The following CCAR1 variants were observed in gnomAD, a reference collection of about 807,000 sequenced individuals.
CCAR1 encodes cell division cycle and apoptosis regulator 1.
A neutral mutation model predicts 163.8 loss-of-function variants in CCAR1; 78 were observed. The ratio of observed to expected loss-of-function variants is 0.48; its 90% CI spans 0.40 to 0.57. The LOEUF (loss-of-function observed/expected upper bound fraction) is 0.57, where lower values mean the gene tolerates loss of function less well. Ranked by LOEUF, CCAR1 falls within the 20% of genes least tolerant of loss-of-function variation. The pLI is 0.00. For synonymous variants in CCAR1, 443 were observed against 460.7 expected, an observed-to-expected ratio of 0.96 and a Z score of 0.49; for missense variants, 1,019 against 1,365.2, an observed-to-expected ratio of 0.75 and a Z score of 4.00.
chr10:68,768,215 A>G (rs942342901), intron 17 of CCAR1, among the ~76,000 whole-genome samples: 1 of 152,202 alleles, frequency 6.6e-6, no homozygotes. Flanking sequence ...TAAATATTAA[A>G]TTATGTCCAA....
rs1187277480 is a variant in CCAR1, at chr10:68,747,051, T to G, written c.519-110T>G. 5.1e-6 allele frequency: 3 copies of G among 594,018 alleles called. No individual in the cohort carries two copies. In the African/African-American group the frequency reaches 5.8e-5, roughly 11 times the overall value. The allele number at this position is 594,018 out of a possible 1,614,324, so 36.8% of individuals were successfully genotyped here. On this transcript the variant is annotated intron_variant, in intron 6 of 24. Coordinates refer to ENST00000265872, the MANE Select transcript of CCAR1 (RefSeq NM_018237.4). ...TTCTGATATAGTTTACTGTTTATTT[T>G]TTTTTGAGATATGGTTTACTTTAAA...
chr10:68,737,498 C>CA (rs1200590065), intron 3 of CCAR1, among the ~76,000 whole-genome samples: 2,416 of 64,248 alleles, frequency 0.038, 57 homozygotes, highest in African/African-American at 0.072. Flanking sequence ...ACCCTGTGTC[C>CA]AAAAAAAAAA....
Position 68,765,977 on chromosome 10 carries a change from T to C in CCAR1, c.2196T>C (p.His732=), listed in dbSNP as rs368126227. 2.5e-6 allele frequency: 4 copies of C among 1,614,004 alleles called. No homozygotes were observed. In the African/African-American group the frequency reaches 5.3e-5, roughly 22 times the overall value. The part of the protein sequence containing the change: ...ILPDEPAIIV[H]PNWAAKSGKF... ...CTGATGAACCGGCCATCATTGTACA[T>C]CCAAATTGGGCTGCAAAAAGTGGCA... Residue 732 remains histidine, a synonymous_variant, in exon 17 of 25, where the codon CAT becomes CAC. Coordinates refer to ENST00000265872, the MANE Select transcript of CCAR1 (RefSeq NM_018237.4).
At chr10:68,767,134 CTTTA>C (rs1163257371) in intron 17 of CCAR1, among the ~76,000 whole-genome samples, 59 of 151,952 alleles carry the variant, frequency 3.9e-4, no homozygotes, top group Admixed American at 3.8e-3. Flanking sequence ...TGAGGTAATG[CTTTA>C]TTATTTTCTC....
chr10:68,777,176 C>T (rs12146315), intron 19 of CCAR1, among the ~76,000 whole-genome samples: 2 of 152,004 alleles, frequency 1.3e-5, no homozygotes, highest in Non-Finnish European at 2.9e-5. Flanking sequence ...CCACTTCTTA[C>T]GAATTCCACT....
intron 12 of CCAR1, chr10:68,755,066 A>C: frequency 3.3e-6 from 2 of 608,840 alleles, no homozygotes; most frequent in Non-Finnish European, 2.9e-6. Context: ...AACATAGTAG[A>C]ATATTAGTGG....
rs554301283 is a variant in CCAR1, at chr10:68,740,516, A to G, written c.292-113A>G. 4 of 893,300 alleles carry G rather than the reference A, an allele frequency of 4.5e-6. No homozygotes were observed. The South Asian group carries it at 6.2e-5, about 14-fold the overall frequency. The allele number at this position is 893,300 out of a possible 1,614,324, so 55.3% of individuals were successfully genotyped here. On this transcript the variant is annotated intron_variant, in intron 4 of 24. Coordinates refer to ENST00000265872, the MANE Select transcript of CCAR1 (RefSeq NM_018237.4). ...TGAGACCTCGTTTCTGTTTAAATAC[A>G]TAAATAAAAATAAGTAGAATAACTT...
intron 19 of CCAR1, among the ~76,000 whole-genome samples, chr10:68,777,212 T>A (rs887689598): frequency 6.6e-6 from 1 of 152,216 alleles, no homozygotes; most frequent in Non-Finnish European, 1.5e-5. Flanking sequence ...CAAGCCACAT[T>A]ATCTCTTGCC....
intron 19 of CCAR1, among the ~76,000 whole-genome samples, chr10:68,776,214 A>AT (rs1343222181): frequency 6.6e-6 from 1 of 151,088 alleles, no homozygotes; most frequent in African/African-American, 2.4e-5. Flanking sequence ...TATACTGTTA[A>AT]TTCTCAAATT....
intron 16 of CCAR1, among the ~76,000 whole-genome samples, chr10:68,762,907 C>T (rs190920459): frequency 6.6e-6 from 1 of 152,084 alleles, no homozygotes; most frequent in East Asian, 1.9e-4. Flanking sequence ...ACCAAATGAA[C>T]TAAGTGAAAC....
chr10:68,751,830 C>G (rs1326266377), intron 10 of CCAR1, among the ~76,000 whole-genome samples: 1 of 151,234 alleles, frequency 6.6e-6, no homozygotes, highest in Non-Finnish European at 1.5e-5. Context: ...CACCACTGCA[C>G]TCCAGCCTGG....
At chr10:68,767,922 T>A (rs2056555565) in intron 17 of CCAR1, among the ~76,000 whole-genome samples, 1 of 152,252 alleles carries the variant, frequency 6.6e-6, no homozygotes, top group African/African-American at 2.4e-5. Context: ...TGTAATTGCT[T>A]CACTCCTTAA....
intron 17 of CCAR1, among the ~76,000 whole-genome samples, chr10:68,767,214 A>C (rs987721708): frequency 6.6e-6 from 1 of 152,204 alleles, no homozygotes; most frequent in Non-Finnish European, 1.5e-5. Flanking sequence ...TTGAGTTGTA[A>C]GAGAAAATAA....
intron 6 of CCAR1, 30 bp downstream of exon 6, chr10:68,742,599 T>G (rs1332572095): frequency 4.6e-6 from 7 of 1,535,298 alleles, no homozygotes; most frequent in African/African-American, 1.4e-5. Flanking sequence ...GTCACATGGC[T>G]TCTTGCATTT....
At position 68,758,794 on chromosome 10, in the gene CCAR1, TC is replaced by T. The variant is rs199591385; in HGVS notation, c.1920+1420del. 3.9e-3 allele frequency among the ~76,000 whole-genome samples: 593 copies of T among 151,778 alleles called. 4 individuals are homozygous for T. The highest frequency in any genetic ancestry group is 0.014 in the African/African-American group (573 of 41,334). On this transcript the variant is annotated intron_variant, in intron 15 of 24. Transcript: ENST00000265872. ...TTCAAGAGATTCTCGTGCCTCAGCC[TC>T]CCGAGTAGCTGGGACTACAGGCCTG...
rs558625635 is a variant in CCAR1, at chr10:68,755,091, G to A, written c.1458+264G>A. On this transcript the variant is annotated intron_variant, in intron 12 of 24. Transcript: ENST00000265872. ...AATATTAGTGGTAATAGGATTCAGAGTGTCTTTGGATGTTGTTGAAGTTTG... is the reference window on the plus strand; with the variant it reads ...AATATTAGTGGTAATAGGATTCAGAATGTCTTTGGATGTTGTTGAAGTTTG... The A allele has an allele frequency of 1.2e-4, 78 of 650,558 alleles. 1 individual carries two copies. The South Asian group carries it at 1.3e-3, about 10-fold the overall frequency. The allele number at this position is 650,558 out of a possible 1,614,324, so 40.3% of individuals were successfully genotyped here.
chr10:68,755,349 TG>T lies in CCAR1; in HGVS notation c.1459-20del. ...TGACAGGGTGCGTAATATATGTAAA[TG>T]ATTCTTTGTTTTGAATTAGTTTTTA... On this transcript the variant is annotated intron_variant, in intron 12 of 24. Transcript: ENST00000265872. The T allele has an allele frequency of 6.2e-7, 1 of 1,603,790 alleles. No individual in the cohort carries two copies. Among genetic ancestry groups the T allele is most frequent in the Non-Finnish European group, 8.5e-7 (1 of 1,172,558 alleles).
intron 19 of CCAR1, among the ~76,000 whole-genome samples, chr10:68,783,763 CT>C (rs34699411): frequency 6.2e-4 from 90 of 145,178 alleles, no homozygotes; most frequent in Admixed American, 5.5e-4. Flanking sequence ...TTGTTTGCTG[CT>C]TTTTTTTTTT....
intron 21 of CCAR1, among the ~76,000 whole-genome samples, chr10:68,787,232 G>A (rs1272923679): frequency 6.7e-6 from 1 of 149,746 alleles, no homozygotes; most frequent in Admixed American, 6.6e-5. Context: ...TAAACAAAAC[G>A]TGGAATTATT....
Sources: gnomAD v4.1 joint callset for allele counts (sites outside exome capture counted in the v4.1 genomes callset) on GRCh38, gnomAD v4.1.1 for gene constraint, MANE v1.5 for transcripts, NCBI Gene and HGNC (gene_info 2026-07-23, HGNC 2026-07-21) for gene names.